Variants in SSTR4 observed in about 807,000 individuals in gnomAD.
SSTR4 encodes somatostatin receptor type 4.
For missense variants in SSTR4, 649 were observed against 540.6 expected (o/e 1.20, Z -1.99); for synonymous variants, 272 against 246.3 (o/e 1.10, Z -0.98).
chr20:23,036,779 T>G lies in SSTR4; in HGVS notation c.*129T>G. On this transcript the variant is annotated 3_prime_UTR_variant, in exon 1 of 1. Transcript: ENST00000255008. ...CACCTGTTCCTTCCAGCAGCCCATG[T>G]ACCTGCCGGAGAGTGTCAGAACTCT... 1 of 1,053,446 alleles carries G rather than the reference T, an allele frequency of 9.5e-7. No homozygotes were observed. The highest frequency in any genetic ancestry group is 1.4e-6 in the Non-Finnish European group (1 of 733,720). 65.3% of individuals were successfully genotyped at this position (1,053,446 alleles called of 1,614,324 possible). A position where few individuals can be genotyped will look rare whatever the true frequency, so the allele number is the denominator to read the frequency against.
At position 23,036,609 on chromosome 20, in the gene SSTR4, G is replaced by C; in HGVS notation, c.1126G>C (p.Gly376Arg). The C allele has an allele frequency of 3.2e-6, 5 of 1,573,706 alleles. No homozygotes were observed. The highest frequency in any genetic ancestry group is 4.3e-6 in the Non-Finnish European group (5 of 1,161,086). Residue 376 changes from glycine (G) to arginine (R), a missense_variant, in exon 1 of 1, where the codon GGC (glycine) becomes CGC (arginine). Transcript: ENST00000255008. ...GCAGGAAGCCCTGCAACCAGAACCC[G>C]GCCGCAAGCGCATCCCCCTCACCAG... Reference protein sequence around the residue: ...CQQEALQPEPGRKRIPLTRTT... With the variant: ...CQQEALQPEPRRKRIPLTRTT...
Position 23,035,927 on chromosome 20 carries a change from G to T in SSTR4, c.444G>T (p.Val148=), listed in dbSNP as rs1242782823. 6.2e-7 allele frequency: 1 copy of T among 1,612,654 alleles called. No individual in the cohort carries two copies. The highest frequency in any genetic ancestry group is 1.3e-5 in the African/African-American group (1 of 74,922). Reference sequence around the variant, plus strand: ...TCAGCGTGGACCGCTACGTGGCCGTGGTGCACCCTCTGCGCGCGGCGACCT... The same window carrying T: ...TCAGCGTGGACCGCTACGTGGCCGTTGTGCACCCTCTGCGCGCGGCGACCT... ...TVLSVDRYVA[V]VHPLRAATYR... Residue 148 remains valine, a synonymous_variant, in exon 1 of 1, where the codon GTG becomes GTT. Coordinates refer to ENST00000255008, the MANE Select transcript of SSTR4 (RefSeq NM_001052.4).
rs1450879621 is a variant in SSTR4, at chr20:23,035,914, G to C, written c.431G>C (p.Arg144Pro). 1.2e-6 allele frequency: 2 copies of C among 1,612,808 alleles called. No homozygotes were observed. The highest frequency in any genetic ancestry group is 2.7e-5 in the African/African-American group (2 of 74,906). Residue 144 changes from arginine to proline, a missense_variant, in exon 1 of 1, where the codon CGC becomes CCC. By Grantham distance (103) the Arg-to-Pro change is moderately radical (BLOSUM62 -2). Coordinates refer to ENST00000255008, the MANE Select transcript of SSTR4 (RefSeq NM_001052.4). ...TGTCTCACCGTGCTCAGCGTGGACC[G>C]CTACGTGGCCGTGGTGCACCCTCTG... ...VFCLTVLSVD[R>P]YVAVVHPLRA...
rs1484338281 is a variant in SSTR4, at chr20:23,036,259, G to C, written c.776G>C (p.Arg259Thr). 1 of 1,614,062 alleles carries C rather than the reference G, an allele frequency of 6.2e-7. No individual in the cohort carries two copies. Among genetic ancestry groups the C allele is most frequent in the African/African-American group, 1.3e-5 (1 of 74,936 alleles). Residue 259 changes from arginine to threonine, a missense_variant, in exon 1 of 1, where the codon AGG (arginine) becomes ACG (threonine). Coordinates refer to ENST00000255008, the MANE Select transcript of SSTR4 (RefSeq NM_001052.4). ...QRRRSEKKIT[R>T]LVLMVVVVFV... ...AGGCGCTCGGAGAAGAAAATCACCAGGCTGGTGCTGATGGTCGTGGTCGTC... is the reference window on the plus strand; with the variant it reads ...AGGCGCTCGGAGAAGAAAATCACCACGCTGGTGCTGATGGTCGTGGTCGTC...
Position 23,035,844 on chromosome 20 carries a change from G to A in SSTR4, c.361G>A (p.Ala121Thr), listed in dbSNP as rs557268742. Residue 121 changes from alanine to threonine, a missense_variant, in exon 1 of 1, where the codon GCG (alanine) becomes ACG (threonine). By Grantham distance (58) the Ala-to-Thr change is moderately conservative (BLOSUM62 0). Transcript: ENST00000255008. ...HWPFGSVLCR[A>T]VLSVDGLNMF... ...GCCCTTCGGCTCCGTGCTGTGCCGC[G>A]CGGTGCTCAGCGTCGACGGCCTCAA... is the stretch of plus-strand genomic sequence containing the variant. The A allele has an allele frequency of 5.6e-6, 9 of 1,602,374 alleles. No homozygotes were observed. In the Admixed American group the frequency reaches 1.5e-4, roughly 27 times the overall value.
At position 23,036,445 on chromosome 20, in the gene SSTR4, T is replaced by A. The variant is rs2567608; in HGVS notation, c.962T>A (p.Phe321Tyr). The change falls in exon 1 of 1, where the codon TTC (phenylalanine) becomes TAC (tyrosine). Residue 321 changes from phenylalanine to tyrosine, a missense_variant. By Grantham distance (22) the Phe-to-Tyr change is conservative (BLOSUM62 3). Coordinates refer to ENST00000255008, the MANE Select transcript of SSTR4 (RefSeq NM_001052.4). Reference protein sequence around the residue: ...YGFLSDNFRRFFQRVLCLRCC... With the variant: ...YGFLSDNFRRYFQRVLCLRCC... ...TTCCTCTCCGACAACTTCCGCCGAT[T>A]CTTCCAGCGGGTTCTCTGCCTGCGC... The A allele has an allele frequency of 2.0e-5, 33 of 1,613,588 alleles. No homozygotes were observed. The highest frequency in any genetic ancestry group is 2.7e-5 in the Non-Finnish European group (32 of 1,179,844).
chr20:23,035,841 C>G lies in SSTR4; in HGVS notation c.358C>G (p.Arg120Gly), dbSNP rs1263041972. The G allele has an allele frequency of 6.2e-7, 1 of 1,600,786 alleles. No individual in the cohort carries two copies. The highest frequency in any genetic ancestry group is 1.1e-5 in the South Asian group (1 of 88,408). Residue 120 changes from arginine (R) to glycine (G), a missense_variant, in exon 1 of 1, where the codon CGC (arginine) becomes GGC (glycine). By Grantham distance (125) the Arg-to-Gly change is moderately radical. Transcript: ENST00000255008. Reference protein sequence around the residue: ...RHWPFGSVLCRAVLSVDGLNM... With the variant: ...RHWPFGSVLCGAVLSVDGLNM... ...CTGGCCCTTCGGCTCCGTGCTGTGC[C>G]GCGCGGTGCTCAGCGTCGACGGCCT...
chr20:23,035,751 G>A lies in SSTR4; in HGVS notation c.268G>A (p.Ala90Thr), dbSNP rs1426044366. 1.9e-6 allele frequency: 3 copies of A among 1,589,862 alleles called. No individual in the cohort carries two copies. The East Asian group carries it at 6.7e-5, about 36-fold the overall frequency. The change falls in exon 1 of 1, where the codon GCC (alanine) becomes ACC (threonine). Residue 90 changes from alanine (A) to threonine (T), a missense_variant. Ala to Thr is a moderately conservative substitution (Grantham distance 58). Coordinates refer to ENST00000255008, the MANE Select transcript of SSTR4 (RefSeq NM_001052.4). ...TATNIYLLNL[A>T]VADELFMLSV... ...TACCAACATCTACCTGCTCAACCTGGCCGTAGCCGACGAGCTCTTCATGCT... is the reference window on the plus strand; with the variant it reads ...TACCAACATCTACCTGCTCAACCTGACCGTAGCCGACGAGCTCTTCATGCT...
chr20:23,035,758 C>G lies in SSTR4; in HGVS notation c.275C>G (p.Ala92Gly). Residue 92 changes from alanine (A) to glycine (G), a missense_variant, in exon 1 of 1, where the codon GCC becomes GGC. Physicochemically the swap from Ala to Gly is moderately conservative, Grantham distance 60. Transcript: ENST00000255008. ...TNIYLLNLAV[A>G]DELFMLSVPF... is the part of the protein sequence containing the mutation. ...ATCTACCTGCTCAACCTGGCCGTAG[C>G]CGACGAGCTCTTCATGCTGAGCGTG... 1 of 1,591,054 alleles carries G rather than the reference C, an allele frequency of 6.3e-7. No individual in the cohort carries two copies. Among genetic ancestry groups the G allele is most frequent in the African/African-American group, 1.3e-5 (1 of 74,234 alleles).
chr20:23,036,627 C>T lies in SSTR4; in HGVS notation c.1144C>T (p.Leu382Phe), dbSNP rs1984335532. ...AGAACCCGGCCGCAAGCGCATCCCC[C>T]TCACCAGGACCACCACCTTCTGAGG... is the stretch of plus-strand genomic sequence containing the variant. ...QPEPGRKRIPLTRTTTF is the reference protein window; with the variant it reads ...QPEPGRKRIPFTRTTTF Residue 382 changes from leucine (L) to phenylalanine (F), a missense_variant, in exon 1 of 1, where the codon CTC becomes TTC. Leu to Phe is a conservative substitution (Grantham distance 22). Coordinates refer to ENST00000255008, the MANE Select transcript of SSTR4 (RefSeq NM_001052.4). The T allele has an allele frequency of 1.3e-6, 2 of 1,557,410 alleles. No individual in the cohort carries two copies. Among genetic ancestry groups the T allele is most frequent in the African/African-American group, 1.4e-5 (1 of 73,512 alleles).
chr20:23,038,956 G>C lies in SSTR4; in HGVS notation c.*2306G>C, dbSNP rs1984399425. 6.6e-6 allele frequency: 1 copy of C among 152,260 alleles called. No individual in the cohort carries two copies. Among genetic ancestry groups the C allele is most frequent in the South Asian group, 2.1e-4 (1 of 4,836 alleles). The allele number at this position is 152,260 out of a possible 1,614,324, so 9.4% of individuals were successfully genotyped here. ...CAGCAACGAGGTGCACTGAGCACTT[G>C]TCGGGGCTGTGTTTGGAGCCCATCA... On this transcript the variant is annotated 3_prime_UTR_variant, in exon 1 of 1. Transcript: ENST00000255008.
Position 23,035,832 on chromosome 20 carries a change from G to C in SSTR4, c.349G>C (p.Val117Leu), listed in dbSNP as rs1360375960. The change falls in exon 1 of 1, where the codon GTG (valine) becomes CTG (leucine). Residue 117 changes from valine to leucine, a missense_variant. Transcript: ENST00000255008. ...CCTGCGCCACTGGCCCTTCGGCTCC[G>C]TGCTGTGCCGCGCGGTGCTCAGCGT... ...AALRHWPFGS[V>L]LCRAVLSVDG... is the part of the protein sequence containing the mutation. 1 of 1,597,324 alleles carries C rather than the reference G, an allele frequency of 6.3e-7. No homozygotes were observed. Among genetic ancestry groups the C allele is most frequent in the African/African-American group, 1.3e-5 (1 of 74,550 alleles).
chr20:23,038,929 G>C lies in SSTR4; in HGVS notation c.*2279G>C, dbSNP rs1019132249. 1 of 152,210 alleles carries C rather than the reference G, an allele frequency of 6.6e-6. No individual in the cohort carries two copies. The highest frequency in any genetic ancestry group is 2.4e-5 in the African/African-American group (1 of 41,444). 9.4% of individuals were successfully genotyped at this position (152,210 alleles called of 1,614,324 possible). A position where few individuals can be genotyped will look rare whatever the true frequency, so the allele number is the denominator to read the frequency against. On this transcript the variant is annotated 3_prime_UTR_variant, in exon 1 of 1. Coordinates refer to ENST00000255008, the MANE Select transcript of SSTR4 (RefSeq NM_001052.4). ...TAGCTTCAGGGCCTTTTCATTTCCC[G>C]GCAGCAACGAGGTGCACTGAGCACT...
Position 23,038,471 on chromosome 20 carries a change from C to T in SSTR4, c.*1821C>T, listed in dbSNP as rs2207107. 0.33 allele frequency among the ~76,000 whole-genome samples: 50,187 copies of T among 152,030 alleles called. 8,568 individuals carry two copies. The highest frequency in any genetic ancestry group is 0.48 in the Middle Eastern group (140 of 290). ...CTTGGCAACACTAGTGTGTGGCTGC[C>T]CAGATTAGCATGGAATAAGACACAT... On this transcript the variant is annotated 3_prime_UTR_variant, in exon 1 of 1. Transcript: ENST00000255008.
Position 23,036,253 on chromosome 20 carries a change from T to G in SSTR4, c.770T>G (p.Ile257Ser), listed in dbSNP as rs553707303. 1.2e-6 allele frequency: 2 copies of G among 1,614,072 alleles called. No homozygotes were observed. Among genetic ancestry groups the G allele is most frequent in the African/African-American group, 2.7e-5 (2 of 75,040 alleles). The change falls in exon 1 of 1, where the codon ATC (isoleucine) becomes AGC (serine). Residue 257 changes from isoleucine to serine, a missense_variant. Ile to Ser is a moderately radical substitution (Grantham distance 142). Coordinates refer to ENST00000255008, the MANE Select transcript of SSTR4 (RefSeq NM_001052.4). ...CAGCGCAGGCGCTCGGAGAAGAAAATCACCAGGCTGGTGCTGATGGTCGTG... is the reference window on the plus strand; with the variant it reads ...CAGCGCAGGCGCTCGGAGAAGAAAAGCACCAGGCTGGTGCTGATGGTCGTG... ...WQQRRRSEKK[I>S]TRLVLMVVVV...
At position 23,038,673 on chromosome 20, in the gene SSTR4, G is replaced by A. The variant is rs1420860253; in HGVS notation, c.*2023G>A. Among the ~76,000 whole-genome samples the A allele has an allele frequency of 1.3e-5, 2 of 152,220 alleles. No individual in the cohort carries two copies. Among genetic ancestry groups the A allele is most frequent in the Non-Finnish European group, 2.9e-5 (2 of 68,046 alleles). ...CCCACTTGGAATATGTGCCAAGGGA[G>A]GTTCGAGTTTTGAGCTCTTCCCAGC... On this transcript the variant is annotated 3_prime_UTR_variant, in exon 1 of 1. Coordinates refer to ENST00000255008, the MANE Select transcript of SSTR4 (RefSeq NM_001052.4).
At position 23,035,427 on chromosome 20, in the gene SSTR4, C is replaced by A; in HGVS notation, c.-57C>A. On this transcript the variant is annotated 5_prime_UTR_variant, in exon 1 of 1. Transcript: ENST00000255008. Reference sequence around the variant, plus strand: ...CCGCCCTGGGCCCGCCGCCCGAGCTCTCTGGCGCAGCGCTAGCTCCGCCGC... The same window carrying A: ...CCGCCCTGGGCCCGCCGCCCGAGCTATCTGGCGCAGCGCTAGCTCCGCCGC... 7.9e-7 allele frequency: 1 copy of A among 1,272,870 alleles called. No individual in the cohort carries two copies. The highest frequency in any genetic ancestry group is 9.9e-7 in the Non-Finnish European group (1 of 1,006,522). 78.8% of individuals were successfully genotyped at this position (1,272,870 alleles called of 1,614,324 possible). A position where few individuals can be genotyped will look rare whatever the true frequency, so the allele number is the denominator to read the frequency against.
chr20:23,036,694 G>A lies in SSTR4; in HGVS notation c.*44G>A. The A allele has an allele frequency of 6.6e-7, 1 of 1,516,610 alleles. No homozygotes were observed. Among genetic ancestry groups the A allele is most frequent in the Non-Finnish European group, 8.8e-7 (1 of 1,133,444 alleles). The allele number at this position is 1,516,610 out of a possible 1,614,324, so 93.9% of individuals were successfully genotyped here. A position where few individuals can be genotyped will look rare whatever the true frequency, so the allele number is the denominator to read the frequency against. Reference sequence around the variant, plus strand: ...ACCCTGCGTGGCCACCTCCCAAGGGGTGGGCACCATTCCTACAGCCCCGAA... The same window carrying A: ...ACCCTGCGTGGCCACCTCCCAAGGGATGGGCACCATTCCTACAGCCCCGAA... On this transcript the variant is annotated 3_prime_UTR_variant, in exon 1 of 1. Coordinates refer to ENST00000255008, the MANE Select transcript of SSTR4 (RefSeq NM_001052.4).
Position 23,036,041 on chromosome 20 carries a change from C to T in SSTR4, c.558C>T (p.Asp186=), listed in dbSNP as rs748806021. The part of the protein sequence containing the change: ...LVTLPIAIFA[D]TRPARGGQAV... Reference sequence around the variant, plus strand: ...CTCTCCCCATCGCCATCTTCGCAGACACCAGACCGGCTCGCGGCGGCCAGG... The same window carrying T: ...CTCTCCCCATCGCCATCTTCGCAGATACCAGACCGGCTCGCGGCGGCCAGG... The change falls in exon 1 of 1, where the codon GAC becomes GAT. Residue 186 remains aspartate, a synonymous_variant. Coordinates refer to ENST00000255008, the MANE Select transcript of SSTR4 (RefSeq NM_001052.4). 4 of 1,591,764 alleles carry T rather than the reference C, an allele frequency of 2.5e-6. No individual in the cohort carries two copies. The Admixed American group carries it at 6.8e-5, about 27-fold the overall frequency.
Sources: allele counts gnomAD v4.1 joint callset (sites outside exome capture counted in the v4.1 genomes callset), GRCh38; gene constraint gnomAD v4.1.1; transcripts MANE v1.5; gene names NCBI Gene and HGNC (gene_info 2026-07-23, HGNC 2026-07-21).